Variants in SANBR observed in about 807,000 individuals in gnomAD.
SANBR encodes SANT and BTB domain regulator of class switch recombination.
Under a neutral mutation model 101.8 loss-of-function variants are expected in SANBR, and 77 were observed. That is an observed-to-expected ratio of 0.76 (90% confidence interval 0.63 to 0.91). SANBR has a LOEUF of 0.91. Ranked by LOEUF, SANBR falls within the 40% of genes least tolerant of loss-of-function variation. The probability of loss-of-function intolerance (pLI) is 0.00; values close to 1 mark genes in which losing one functional copy is unlikely to be tolerated. For missense variants in SANBR, 875 were observed against 853.0 expected, an observed-to-expected ratio of 1.03 and a Z score of -0.32; for synonymous variants, 279 against 274.7, an observed-to-expected ratio of 1.02 and a Z score of -0.15.
At chr2:61,118,539 C>A (rs528511709) in intron 20 of SANBR, among the ~76,000 whole-genome samples, 70 of 149,720 alleles carry the variant, frequency 4.7e-4, no homozygotes, top group African/African-American at 1.7e-3. Context: ...CCACACCTGG[C>A]CAAATATATG....
intron 5 of SANBR, chr2:61,075,322 AT>A (rs1332053465): frequency 6.6e-6 from 1 of 152,226 alleles, no homozygotes; most frequent in African/African-American, 2.4e-5. Context: ...CAGTGATGTT[AT>A]CACGACTCAC....
chr2:61,134,343 T>C, intron 21 of SANBR: 11 of 1,452,890 alleles, frequency 7.6e-6, no homozygotes, highest in Non-Finnish European at 1.0e-5. Context: ...ATAACTGTAT[T>C]GTGCTTATTC....
At chr2:61,084,404 A>G (rs959212219) in intron 8 of SANBR, among the ~76,000 whole-genome samples, 1 of 152,162 alleles carries the variant, frequency 6.6e-6, no homozygotes, top group Non-Finnish European at 1.5e-5. Flanking sequence ...ACATATCGTG[A>G]TAGTGAATTA....
downstream of SANBR, among the ~76,000 whole-genome samples, chr2:61,128,271 CAA>C (rs1200152788): frequency 1.7e-4 from 18 of 104,856 alleles, no homozygotes; most frequent in Admixed American, 4.3e-4. Flanking sequence ...GACTCTGTCT[CAA>C]AAAAAAAAAA....
exon 22 of SANBR, chr2:61,137,582 T>C (rs999854786): frequency 6.6e-6 from 1 of 152,308 alleles, no homozygotes; most frequent in East Asian, 1.9e-4. Flanking sequence ...TTTTTTCTTT[T>C]TGCTTGCTTG....
rs145538933 is a variant in SANBR, at chr2:61,120,273, C to T, written c.2029-912C>T. 8.9e-3 allele frequency among the ~76,000 whole-genome samples: 1,354 copies of T among 152,178 alleles called. 10 individuals are homozygous for T. The highest frequency in any genetic ancestry group is 0.02 in the Middle Eastern group (6 of 294). ...ATCCCAGCACTTTGGGAGGCCAAGG[C>T]GGGCGGATCACAAAGTCAAGAGATC... On this transcript the variant is annotated intron_variant, in intron 20 of 21. Coordinates refer to ENST00000402291, the MANE Select transcript of SANBR (RefSeq NM_001129993.3).
chr2:61,104,153 C>T (rs1445556587), intron 13 of SANBR, among the ~76,000 whole-genome samples, 155 bp downstream of exon 13: 1 of 152,104 alleles, frequency 6.6e-6, no homozygotes, highest in African/African-American at 2.4e-5. Flanking sequence ...ACAGTAAGAG[C>T]AGACAGATAT....
chr2:61,091,325 C>G (rs984322452), intron 10 of SANBR, among the ~76,000 whole-genome samples: 2 of 151,960 alleles, frequency 1.3e-5, no homozygotes, highest in African/African-American at 2.4e-5. Flanking sequence ...GGCATGGTGG[C>G]TCATGCTTGT....
chr2:61,117,597 T>A (rs1387701988), intron 19 of SANBR, 57 bp downstream of exon 19: 1 of 1,424,208 alleles, frequency 7.0e-7, no homozygotes, highest in Admixed American at 1.7e-5. Flanking sequence ...ATGATTGGTG[T>A]GTGTTTCATT....
At chr2:61,088,296 CTTTAA>C (rs1682552874) in intron 9 of SANBR, 51 bp downstream of exon 9, 1 of 1,562,582 alleles carries the variant, frequency 6.4e-7, no homozygotes, top group African/African-American at 1.4e-5. Flanking sequence ...CAGCTATATT[CTTTAA>C]TTTACTACAT....
intron 7 of SANBR, among the ~76,000 whole-genome samples, chr2:61,082,679 C>G (rs931130958): frequency 6.6e-6 from 1 of 152,090 alleles, no homozygotes; most frequent in African/African-American, 2.4e-5. Context: ...ATTAGCCAGG[C>G]GTGGTGGCGG....
In SANBR at chr2:61,083,372, A is replaced by G. The variant is rs1168179910; in HGVS notation, c.890+58A>G. 1.1e-5 allele frequency: 11 copies of G among 1,028,408 alleles called. No individual in the cohort carries two copies. The East Asian group carries it at 1.3e-4, about 12-fold the overall frequency. 63.7% of individuals were successfully genotyped at this position (1,028,408 alleles called of 1,614,324 possible). ...CTCCTGTTAAAAGAAATATATTTCTATTTCATGTGAGTGAAATATTCTTTC... is the reference window on the plus strand; with the variant it reads ...CTCCTGTTAAAAGAAATATATTTCTGTTTCATGTGAGTGAAATATTCTTTC... On this transcript the variant is annotated intron_variant, in intron 8 of 21. Transcript: ENST00000402291.
intron 17 of SANBR, among the ~76,000 whole-genome samples, chr2:61,116,533 A>T (rs921259100): frequency 3.3e-5 from 5 of 152,156 alleles, no homozygotes; most frequent in African/African-American, 1.2e-4. Context: ...TATGATATTT[A>T]AAAATAATTC....
chr2:61,070,578 G>A, intron 3 of SANBR, 78 bp downstream of exon 3: 1 of 1,370,060 alleles, frequency 7.3e-7, no homozygotes, highest in Admixed American at 2.3e-5. Context: ...CCAAGAGAGA[G>A]AAAAATATTT....
intron 8 of SANBR, among the ~76,000 whole-genome samples, chr2:61,087,480 C>G (rs1682497831): frequency 1.3e-5 from 2 of 151,554 alleles, no homozygotes; most frequent in South Asian, 4.2e-4. Flanking sequence ...ATCACCTGAT[C>G]CCAGGAGTTT....
In SANBR at chr2:61,123,506, A is replaced by G; in HGVS notation, c.*1344A>G. On this transcript the variant is annotated 3_prime_UTR_variant, in exon 22 of 22. Transcript: ENST00000402291. ...TTTATATTTGTTTCAATTGTTTGAT[A>G]CTGTGGAAATAGACTTTTATTTTCG... is the stretch of plus-strand genomic sequence containing the variant. The G allele has an allele frequency of 1.0e-5, 10 of 973,250 alleles. No individual in the cohort carries two copies. The highest frequency in any genetic ancestry group is 1.2e-5 in the Non-Finnish European group (10 of 818,718). The allele number at this position is 973,250 out of a possible 1,614,324, so 60.3% of individuals were successfully genotyped here. A position where few individuals can be genotyped will look rare whatever the true frequency, so the allele number is the denominator to read the frequency against.
At chr2:61,095,016 A>G (rs1286126408) in intron 11 of SANBR, among the ~76,000 whole-genome samples, 1 of 152,196 alleles carries the variant, frequency 6.6e-6, no homozygotes, top group African/African-American at 2.4e-5. Flanking sequence ...CATGCCTAAT[A>G]GTTTTCCAAA....
At chr2:61,115,613 G>C (rs1415316968) in intron 16 of SANBR, among the ~76,000 whole-genome samples, 1 of 152,044 alleles carries the variant, frequency 6.6e-6, no homozygotes, top group African/African-American at 2.4e-5. Flanking sequence ...CTTATAGCTA[G>C]AGATTTCAAT....
At chr2:61,131,445 C>A (rs1367012297) in intron 20 of SANBR, among the ~76,000 whole-genome samples, 1 of 151,844 alleles carries the variant, frequency 6.6e-6, no homozygotes, top group African/African-American at 2.4e-5. Context: ...CTTTTAACAT[C>A]AAAAAATTAA....
Sources: allele counts gnomAD v4.1 joint callset (sites outside exome capture counted in the v4.1 genomes callset), GRCh38; gene constraint gnomAD v4.1.1; transcripts MANE v1.5; gene names NCBI Gene and HGNC (gene_info 2026-07-23, HGNC 2026-07-21).